CSMD1: variants seen among roughly 807,000 people sequenced by gnomAD.
CSMD1 encodes CUB and sushi domain-containing protein 1.
A neutral mutation model predicts 417.5 loss-of-function variants in CSMD1; 213 were observed. The ratio of observed to expected loss-of-function variants is 0.51; its 90% CI spans 0.46 to 0.57. The LOEUF is 0.57. Among genes scored for constraint, CSMD1 ranks in the 20% least tolerant of loss-of-function variants. The probability of loss-of-function intolerance (pLI) is 0.00; values close to 1 mark genes in which losing one functional copy is unlikely to be tolerated. For synonymous variants in CSMD1, 2,862 were observed against 1,736.8 expected, an observed-to-expected ratio of 1.65 and a Z score of -16.11; for missense variants, 6,923 against 4,529.7, an observed-to-expected ratio of 1.53 and a Z score of -15.17.
intron 7 of CSMD1, among the ~76,000 whole-genome samples, chr8:3,694,223 G>T (rs1188500024): frequency 6.6e-6 from 1 of 152,188 alleles, no homozygotes; most frequent in African/African-American, 2.4e-5. Context: ...CTGAAACCCA[G>T]GGAGGCCATA....
intron 21 of CSMD1, among the ~76,000 whole-genome samples, chr8:3,351,482 A>G (rs10109809): frequency 0.13 from 18,986 of 151,660 alleles, 1,500 homozygotes; most frequent in Non-Finnish European, 0.18. Context: ...GTGGTGGCAC[A>G]TGCCTGTAAT....
chr8:4,766,017 A>G (rs1173963784), intron 1 of CSMD1, among the ~76,000 whole-genome samples: 1 of 152,198 alleles, frequency 6.6e-6, no homozygotes, highest in Admixed American at 6.5e-5. Flanking sequence ...TCAAATATAT[A>G]TTTTTTAATC....
intron 23 of CSMD1, among the ~76,000 whole-genome samples, chr8:3,338,300 T>G (rs1490194226): frequency 6.6e-6 from 1 of 152,234 alleles, no homozygotes; most frequent in Non-Finnish European, 1.5e-5. Context: ...GCTGGGCGTT[T>G]CTTGACAAGT....
At chr8:4,753,086 AG>A (rs1811436710) in intron 1 of CSMD1, among the ~76,000 whole-genome samples, 1 of 152,318 alleles carries the variant, frequency 6.6e-6, no homozygotes, top group South Asian at 2.1e-4. Flanking sequence ...CATCCTTAAA[AG>A]ATGGATGCTA....
intron 57 of CSMD1, among the ~76,000 whole-genome samples, chr8:2,971,032 G>C (rs1051142878): frequency 6.6e-6 from 1 of 152,088 alleles, no homozygotes; most frequent in African/African-American, 2.4e-5. Context: ...GTGAGTGTAA[G>C]TTACAGACAT....
chr8:3,121,091 CAAA>C (rs77969706), intron 41 of CSMD1, among the ~76,000 whole-genome samples: 1 of 138,732 alleles, frequency 7.2e-6, no homozygotes, highest in African/African-American at 3.0e-5. Flanking sequence ...CAAACAACAA[CAAA>C]AAAAAAATAG....
chr8:3,741,195 C>A (rs1002930177), intron 6 of CSMD1, among the ~76,000 whole-genome samples: 4 of 106,572 alleles, frequency 3.8e-5, no homozygotes, highest in African/African-American at 7.5e-5. Context: ...GCCCGGGCAA[C>A]AGAGCAAGAC....
At position 4,477,570 on chromosome 8, in the gene CSMD1, T is replaced by A. The variant is rs189545369; in HGVS notation, c.303-57505A>T. ...CACAGTTTAAATGTACATCTTTTTT[T>A]AAAAATTGCGAGTTGAGAAGTTCCT... On this transcript the variant is annotated intron_variant, in intron 2 of 69. Transcript: ENST00000635120. 7.3e-3 allele frequency among the ~76,000 whole-genome samples: 1,117 copies of A among 152,304 alleles called. 10 individuals are homozygous for A. Among genetic ancestry groups the A allele is most frequent in the African/African-American group, 0.024 (993 of 41,546 alleles).
intron 12 of CSMD1, among the ~76,000 whole-genome samples, chr8:3,425,558 G>C (rs1015737709): frequency 6.8e-6 from 1 of 147,662 alleles, no homozygotes; most frequent in African/African-American, 2.5e-5. Flanking sequence ...ACTGCACTCT[G>C]GCCTGGGAGA....
At chr8:4,136,746 G>T (rs983677218) in intron 3 of CSMD1, among the ~76,000 whole-genome samples, 5 of 152,268 alleles carry the variant, frequency 3.3e-5, no homozygotes, top group Admixed American at 1.3e-4. Context: ...TGAAAGGTGT[G>T]CATGTGAATT....
At chr8:4,219,121 G>C (rs889935432) in intron 3 of CSMD1, among the ~76,000 whole-genome samples, 3 of 152,126 alleles carry the variant, frequency 2.0e-5, no homozygotes, top group Non-Finnish European at 1.5e-5. Context: ...ATCAGACCCA[G>C]CCTCCTTTCA....
intron 10 of CSMD1, among the ~76,000 whole-genome samples, chr8:3,530,574 T>C (rs574545497): frequency 6.6e-6 from 1 of 152,344 alleles, no homozygotes; most frequent in Non-Finnish European, 1.5e-5. Context: ...CAAGCTGGAA[T>C]GCAGGGGTGT....
At chr8:3,995,911 C>T (rs1436340671) in intron 5 of CSMD1, among the ~76,000 whole-genome samples, 6 of 152,178 alleles carry the variant, frequency 3.9e-5, no homozygotes, top group Non-Finnish European at 7.3e-5. Context: ...CTAGCAAATA[C>T]AGAGAGAGAT....
At chr8:2,966,452 T>G (rs1164368408) in intron 58 of CSMD1, 118 bp downstream of exon 58, 1 of 933,590 alleles carries the variant, frequency 1.1e-6, no homozygotes, top group Non-Finnish European at 1.6e-6. Flanking sequence ...TAGTTTTCCC[T>G]TTTTTCCTCT....
intron 8 of CSMD1, among the ~76,000 whole-genome samples, chr8:3,592,721 GC>G (rs1800908202): frequency 6.6e-6 from 1 of 151,938 alleles, no homozygotes; most frequent in Non-Finnish European, 1.5e-5. Flanking sequence ...AGTATGCACA[GC>G]TTTGATTTTT....
intron 3 of CSMD1, among the ~76,000 whole-genome samples, chr8:4,303,732 C>T (rs535819577): frequency 5.9e-5 from 9 of 151,912 alleles, no homozygotes; most frequent in African/African-American, 2.2e-4. Context: ...CTTGGCTCAC[C>T]CCAACCTCAG....
intron 1 of CSMD1, among the ~76,000 whole-genome samples, chr8:4,644,247 T>C (rs1231313555): frequency 6.6e-6 from 1 of 152,140 alleles, no homozygotes; most frequent in Non-Finnish European, 1.5e-5. Context: ...CCACGCTTGT[T>C]CCCACCCCAG....
chr8:4,085,396 A>C (rs190782008), intron 3 of CSMD1, among the ~76,000 whole-genome samples: 4 of 152,324 alleles, frequency 2.6e-5, no homozygotes, highest in Non-Finnish European at 5.9e-5. Flanking sequence ...AAGCTCCAAA[A>C]AACTGATATT....
At chr8:3,274,228 T>G (rs923196199) in intron 26 of CSMD1, among the ~76,000 whole-genome samples, 1 of 151,876 alleles carries the variant, frequency 6.6e-6, no homozygotes, top group African/African-American at 2.4e-5. Flanking sequence ...TTCCATGTAG[T>G]TGAGCGGTTT....
Sources: allele counts gnomAD v4.1 joint callset (sites outside exome capture counted in the v4.1 genomes callset), GRCh38; gene constraint gnomAD v4.1.1; transcripts MANE v1.5; gene names NCBI Gene and HGNC (gene_info 2026-07-23, HGNC 2026-07-21).